Variants in COPE observed in about 807,000 individuals in gnomAD.
COPE encodes coatomer subunit epsilon.
COPE carries 19 observed loss-of-function variants against 42.1 expected under a neutral mutation model. The ratio of observed to expected loss-of-function variants is 0.45; its 90% CI spans 0.31 to 0.66. The LOEUF (loss-of-function observed/expected upper bound fraction) is 0.66. Ranked by LOEUF, COPE falls within the 30% of genes least tolerant of loss-of-function variation. The pLI is 0.05. For missense variants in COPE, 402 were observed against 416.1 expected (o/e 0.97, Z 0.30); for synonymous variants, 195 against 181.3 (o/e 1.08, Z -0.60).
At chr19:18,910,770 A>G in intron 3 of COPE, 2 of 602,070 alleles carry the variant, frequency 3.3e-6, no homozygotes, top group Non-Finnish European at 6.0e-6. Flanking sequence ...TCCCCTTTGA[A>G]GCAGGATCCA....
At chr19:18,905,700 GCTCA>G in intron 4 of COPE, 71 bp from the exon 5 acceptor site, 1 of 1,477,228 alleles carries the variant, frequency 6.8e-7, no homozygotes, top group Non-Finnish European at 9.2e-7. Context: ...CACACCCAGG[GCTCA>G]CTGTGTGTGT....
chr19:18,913,188 C>T, intron 1 of COPE, 142 bp from the exon 2 acceptor site: 1 of 720,046 alleles, frequency 1.4e-6, no homozygotes, highest in Non-Finnish European at 2.4e-6. Context: ...CAGCCCTGAT[C>T]CTCCGTAGCC....
chr19:18,900,320 C>G, intron 8 of COPE, 61 bp downstream of exon 8: 1 of 1,400,254 alleles, frequency 7.1e-7, no homozygotes, highest in Non-Finnish European at 9.7e-7. Flanking sequence ...GGCCTGGACC[C>G]CAGGCTGGGG....
intron 1 of COPE, among the ~76,000 whole-genome samples, chr19:18,914,880 C>T (rs1286098255): frequency 1.3e-5 from 2 of 151,126 alleles, no homozygotes; most frequent in African/African-American, 4.9e-5. Context: ...CCTCAGTCTC[C>T]CGAGTAGCCG....
intron 1 of COPE, 77 bp from the exon 2 acceptor site, chr19:18,913,123 GC>G (rs2056826210): frequency 7.6e-7 from 1 of 1,313,846 alleles, no homozygotes; most frequent in Non-Finnish European, 1.1e-6. Context: ...TGACAGACAG[GC>G]CCCTGTACAC....
chr19:18,902,682 AGAAAG>A (rs2056711554), intron 7 of COPE, among the ~76,000 whole-genome samples: 2 of 94,948 alleles, frequency 2.1e-5, no homozygotes, highest in Non-Finnish European at 4.0e-5. Context: ...AAAAAAAAGA[AGAAAG>A]GAAAGGAAGG....
At chr19:18,906,820 G>C (rs2056763838) in intron 4 of COPE, 140 bp downstream of exon 4, 4 of 1,022,156 alleles carry the variant, frequency 3.9e-6, no homozygotes, top group Non-Finnish European at 5.5e-6. Context: ...GCTGGAGCCT[G>C]GACAGCAGGC....
intron 4 of COPE, 113 bp from the exon 5 acceptor site, chr19:18,905,742 G>A (rs2056753080): frequency 1.8e-6 from 2 of 1,090,240 alleles, no homozygotes; most frequent in Non-Finnish European, 2.6e-6. Flanking sequence ...CCTGTGCTTA[G>A]GACCACCAGC....
intron 6 of COPE, among the ~76,000 whole-genome samples, chr19:18,903,699 C>T (rs1223830124): frequency 1.3e-5 from 2 of 152,220 alleles, no homozygotes; most frequent in African/African-American, 4.8e-5. Flanking sequence ...GGCCTCAGTG[C>T]ACAGGTGGCT....
At chr19:18,916,564 C>G (rs1166368150) in intron 1 of COPE, among the ~76,000 whole-genome samples, 2 of 151,322 alleles carry the variant, frequency 1.3e-5, no homozygotes, top group Admixed American at 1.3e-4. Context: ...CTGAGGCAGG[C>G]GGATCATGAG....
chr19:18,906,959 C>T lies in COPE; in HGVS notation c.443+1G>A, dbSNP rs2056765495. On this transcript the variant is annotated splice_donor_variant, in intron 4 of 9. Coordinates refer to ENST00000262812, the MANE Select transcript of COPE (RefSeq NM_007263.4). LOFTEE classifies it high-confidence loss of function. ...GGCCCCAGAGCAGGGAGGCCACTCA[C>T]CACTCCAGGCTGTCCCCCTGGTGCA... The T allele has an allele frequency of 1.9e-6, 3 of 1,555,500 alleles. No individual in the cohort carries two copies.
At chr19:18,904,702 G>T in intron 6 of COPE, 69 bp downstream of exon 6, 1 of 1,371,764 alleles carries the variant, frequency 7.3e-7, no homozygotes, top group Non-Finnish European at 1.0e-6. Flanking sequence ...ACGCACAGGT[G>T]GGGGTGCCCA....
chr19:18,908,392 A>G (rs917420271), intron 3 of COPE, among the ~76,000 whole-genome samples: 1 of 151,724 alleles, frequency 6.6e-6, no homozygotes, highest in East Asian at 2.0e-4. Context: ...ACACCTCTGC[A>G]CTCCAGCCTG....
chr19:18,916,876 G>A lies in COPE; in HGVS notation c.126+2347C>T, dbSNP rs142352617. Among the ~76,000 whole-genome samples, 672 of 147,188 alleles carry A rather than the reference G, an allele frequency of 4.6e-3. 4 individuals carry two copies. The highest frequency in any genetic ancestry group is 7.2e-3 in the Non-Finnish European group (482 of 67,364). ...CTTGGGAGGCTGAGGCAGGACAATC[G>A]CTTGAACCCAGGAGGAGGAGGATGC... On this transcript the variant is annotated intron_variant, in intron 1 of 9. Coordinates refer to ENST00000262812, the MANE Select transcript of COPE (RefSeq NM_007263.4).
chr19:18,917,834 T>C (rs543487931), intron 1 of COPE, among the ~76,000 whole-genome samples: 1 of 152,116 alleles, frequency 6.6e-6, no homozygotes, highest in South Asian at 2.1e-4. Context: ...TTCCTTTCCC[T>C]TCAGGTGCAC....
Position 18,901,082 on chromosome 19 carries a change from C to A in COPE, c.736-633G>T, listed in dbSNP as rs565909025. Among the ~76,000 whole-genome samples, 5 of 152,344 alleles carry A rather than the reference C, an allele frequency of 3.3e-5. No homozygotes were observed. The East Asian group carries it at 9.6e-4, about 29-fold the overall frequency. ...GAAGGGGGACACCAGCTTGCGCTCA[C>A]AGGAGCAGCCATGAGGTGGCTCCAA... On this transcript the variant is annotated intron_variant, in intron 7 of 9. Coordinates refer to ENST00000262812, the MANE Select transcript of COPE (RefSeq NM_007263.4).
chr19:18,900,128 C>A, intron 8 of COPE, 181 bp from the exon 9 acceptor site: 4 of 628,644 alleles, frequency 6.4e-6, no homozygotes, highest in Non-Finnish European at 8.3e-6. Flanking sequence ...GGGCCTGCCC[C>A]CTGGAGAGGC....
rs1012585180 is a variant in COPE at position 18,919,116 on chromosome 19, C to T, written c.126+107G>A. 4.0e-6 allele frequency: 5 copies of T among 1,259,480 alleles called. No individual in the cohort carries two copies. In the African/African-American group the frequency reaches 6.0e-5, roughly 15 times the overall value. 78.0% of individuals were successfully genotyped at this position (1,259,480 alleles called of 1,614,324 possible). A position where few individuals can be genotyped will look rare whatever the true frequency, so the allele number is the denominator to read the frequency against. On this transcript the variant is annotated intron_variant, in intron 1 of 9. Transcript: ENST00000262812. Reference sequence around the variant, plus strand: ...ACTGTGGAAGAGGTGGCCCAAAAAACGCGAGAAGAAAAGAGAAAGTTTTTA... The same window carrying T: ...ACTGTGGAAGAGGTGGCCCAAAAAATGCGAGAAGAAAAGAGAAAGTTTTTA...
In COPE at chr19:18,902,814, AAGGAAG is replaced by A. The variant is rs2056720511; in HGVS notation, c.735+448_735+453del. ...GAAGGAAGGAAGGAAGGAAGGAAGGAAGGAAGGAAGGAAGAAAAGACTGCAGACATC... is the reference window on the plus strand; with the variant it reads ...GAAGGAAGGAAGGAAGGAAGGAAGGAGAAGGAAGAAAAGACTGCAGACATC... On this transcript the variant is annotated intron_variant, in intron 7 of 9. Coordinates refer to ENST00000262812, the MANE Select transcript of COPE (RefSeq NM_007263.4). Among the ~76,000 whole-genome samples the A allele has an allele frequency of 2.4e-5, 3 of 126,172 alleles. 1 individual carries two copies. The highest frequency in any genetic ancestry group is 6.7e-5 in the African/African-American group (2 of 29,670). The allele number at this position is 126,172 out of a possible 152,430, so 82.8% of individuals were successfully genotyped here. A position where few individuals can be genotyped will look rare whatever the true frequency, so the allele number is the denominator to read the frequency against.
Sources: gnomAD v4.1 joint callset for allele counts (sites outside exome capture counted in the v4.1 genomes callset) on GRCh38, gnomAD v4.1.1 for gene constraint, MANE v1.5 for transcripts, NCBI Gene and HGNC (gene_info 2026-07-23, HGNC 2026-07-21) for gene names.